INSC: variants seen among roughly 807,000 people sequenced by gnomAD.
INSC encodes protein inscuteable homolog.
A neutral mutation model predicts 58.6 loss-of-function variants in INSC; 67 were observed. The observed-to-expected ratio is 1.14, with a 90% CI of 0.94 to 1.40. The LOEUF is 1.40. INSC is among the 40% of genes most tolerant of loss of function. The pLI is 0.00. For missense variants in INSC, 714 were observed against 692.0 expected (o/e 1.03, Z -0.36); for synonymous variants, 262 against 276.1 (o/e 0.95, Z 0.51).
At chr11:15,126,259 A>G (rs1385235955) in intron 1 of INSC, among the ~76,000 whole-genome samples, 2 of 152,248 alleles carry the variant, frequency 1.3e-5, no homozygotes, top group East Asian at 3.9e-4. Context: ...TTAGGCCAGC[A>G]GGAATGCTGA....
chr11:15,203,189 T>A (rs2133888616), intron 7 of INSC, among the ~76,000 whole-genome samples: 1 of 152,326 alleles, frequency 6.6e-6, no homozygotes, highest in East Asian at 1.9e-4. Context: ...ACAGCACCCC[T>A]GTGTCACGAC....
At chr11:15,163,007 A>G (rs1849070758) in intron 2 of INSC, among the ~76,000 whole-genome samples, 2 of 152,124 alleles carry the variant, frequency 1.3e-5, no homozygotes, top group African/African-American at 4.8e-5. Flanking sequence ...CTCATTCATC[A>G]TCTATATGAA....
At chr11:15,206,443 C>T (rs1945628) in intron 7 of INSC, among the ~76,000 whole-genome samples, 48,964 of 152,098 alleles carry the variant, frequency 0.32, 9,712 homozygotes, top group East Asian at 0.75. Flanking sequence ...TCCAAGTCTT[C>T]CAGGGTCTTT....
rs949729604 is a variant in INSC at position 15,245,837 on chromosome 11, A to G, written c.1471-75A>G. On this transcript the variant is annotated intron_variant, in intron 12 of 12. Coordinates refer to ENST00000379556, the MANE Select transcript of INSC (RefSeq NM_001042536.3). ...CACCACTTTCTGAAATGCACATTTC[A>G]GGGTAGGTGAAGGAAATACATGTAC... 4.0e-5 allele frequency: 61 copies of G among 1,533,540 alleles called. 1 individual carries two copies. The Middle Eastern group carries it at 1.1e-3, about 28-fold the overall frequency. The allele number at this position is 1,533,540 out of a possible 1,614,324, so 95.0% of individuals were successfully genotyped here. A position where few individuals can be genotyped will look rare whatever the true frequency, so the allele number is the denominator to read the frequency against.
At chr11:15,153,983 G>A (rs1278150627) in intron 2 of INSC, among the ~76,000 whole-genome samples, 1 of 152,174 alleles carries the variant, frequency 6.6e-6, no homozygotes, top group Non-Finnish European at 1.5e-5. Context: ...TTCTCACATA[G>A]CAATTATTTG....
At chr11:15,255,710 G>A in the INSC span, among the ~76,000 whole-genome samples, 1 of 146,548 alleles carries the variant, frequency 6.8e-6, no homozygotes, top group African/African-American at 2.5e-5. Context: ...GAGGCTATTT[G>A]TATGTATGTA....
intron 6 of INSC, among the ~76,000 whole-genome samples, chr11:15,198,990 C>T (rs932078223): frequency 1.3e-5 from 2 of 152,064 alleles, no homozygotes; most frequent in African/African-American, 2.4e-5. Context: ...CTTCTACAAC[C>T]CCCCACCCTC....
At position 15,246,287 on chromosome 11, in the gene INSC, AATGACAAAT is replaced by A. The variant is rs1190032594; in HGVS notation, c.*257_*265del. 6.2e-6 allele frequency: 2 copies of A among 322,810 alleles called. No homozygotes were observed. Among genetic ancestry groups the A allele is most frequent in the Non-Finnish European group, 1.2e-5 (2 of 173,580 alleles). 20.0% of individuals were successfully genotyped at this position (322,810 alleles called of 1,614,324 possible). On this transcript the variant is annotated 3_prime_UTR_variant, in exon 13 of 13. Transcript: ENST00000379556. ...TTCAGTTGCAGATGTTGAAATTCGT[AATGACAAAT>A]ATGACAAATTGTCATGGGTGATTCC...
intron 2 of INSC, among the ~76,000 whole-genome samples, chr11:15,168,084 C>T (rs2133803710): frequency 6.6e-6 from 1 of 152,240 alleles, no homozygotes; most frequent in East Asian, 1.9e-4. Context: ...CTGCCTCATC[C>T]CTCTCTCTGC....
chr11:15,115,437 T>C (rs1847668995), intron 1 of INSC, among the ~76,000 whole-genome samples: 1 of 152,150 alleles, frequency 6.6e-6, no homozygotes, highest in Non-Finnish European at 1.5e-5. Flanking sequence ...GGGAGTGTTA[T>C]CTGAACTCAG....
At chr11:15,177,088 A>C in intron 3 of INSC, 23 bp from the exon 4 acceptor site, 2 of 1,609,410 alleles carry the variant, frequency 1.2e-6, no homozygotes, top group Non-Finnish European at 1.7e-6. Flanking sequence ...TGAGTTGAAT[A>C]AAATGGACTT....
At chr11:15,231,055 T>C (rs1313457098) in intron 9 of INSC, among the ~76,000 whole-genome samples, 1 of 152,140 alleles carries the variant, frequency 6.6e-6, no homozygotes, top group African/African-American at 2.4e-5. Flanking sequence ...CCCTGGGCCA[T>C]GTCTGCCAGA....
intron 5 of INSC, 33 bp downstream of exon 5, chr11:15,178,480 T>C (rs367691315): frequency 2.5e-6 from 4 of 1,599,406 alleles, no homozygotes; most frequent in Non-Finnish European, 3.4e-6. Flanking sequence ...GGAGGGGTGC[T>C]TGTGTGGACC....
chr11:15,173,598 G>T (rs1263856132), intron 2 of INSC, among the ~76,000 whole-genome samples: 2 of 151,940 alleles, frequency 1.3e-5, no homozygotes, highest in Non-Finnish European at 2.9e-5. Context: ...CTCTCTCTGT[G>T]TGTCTGTATA....
In INSC at chr11:15,226,271, T is replaced by C. The variant is rs77387694; in HGVS notation, c.1170+443T>C. Among the ~76,000 whole-genome samples, 666 of 152,196 alleles carry C rather than the reference T, an allele frequency of 4.4e-3. 4 individuals are homozygous for C. Among genetic ancestry groups the C allele is most frequent in the African/African-American group, 0.016 (656 of 41,538 alleles). On this transcript the variant is annotated intron_variant, in intron 9 of 12. Coordinates refer to ENST00000379556, the MANE Select transcript of INSC (RefSeq NM_001042536.3). The stretch of plus-strand genomic sequence containing the variant: ...GGTGGCCGTCTAACACTGAACCCTA[T>C]AGTGAACTGCTCCCCTCTTTATCTC...
At chr11:15,190,567 A>G in intron 5 of INSC, 134 bp from the exon 6 acceptor site, 3 of 711,796 alleles carry the variant, frequency 4.2e-6, no homozygotes, top group Non-Finnish European at 7.8e-6. Flanking sequence ...TGCACTCACA[A>G]TGAGGCAGTA....
chr11:15,129,400 C>A (rs1430403778), intron 1 of INSC, among the ~76,000 whole-genome samples: 1 of 152,094 alleles, frequency 6.6e-6, no homozygotes, highest in Non-Finnish European at 1.5e-5. Flanking sequence ...ATTTCAGATT[C>A]AACTTGTCAA....
At position 15,246,051 on chromosome 11, in the gene INSC, C is replaced by T. The variant is rs1054952; in HGVS notation, c.*11C>T. 188 of 1,613,700 alleles carry T rather than the reference C, an allele frequency of 1.2e-4. 1 individual carries two copies. The Admixed American group carries it at 2.7e-3, about 23-fold the overall frequency. ...GAGAGTTTTGTGTAGTGAGTGTGGGCGAAGAAATACATTTGGCTGTTCTCA... is the reference window on the plus strand; with the variant it reads ...GAGAGTTTTGTGTAGTGAGTGTGGGTGAAGAAATACATTTGGCTGTTCTCA... On this transcript the variant is annotated 3_prime_UTR_variant, in exon 13 of 13. Transcript: ENST00000379556.
rs201464503 is a variant in INSC at position 15,243,903 on chromosome 11, C to T, written c.1471-2009C>T. 1.3e-3 allele frequency among the ~76,000 whole-genome samples: 145 copies of T among 107,926 alleles called. 1 individual carries two copies. Among genetic ancestry groups the T allele is most frequent in the Admixed American group, 4.3e-3 (48 of 11,036 alleles). The allele number at this position is 107,926 out of a possible 152,430, so 70.8% of individuals were successfully genotyped here. ...TTGCCACTATTTCTTTTTTTTTTTTCCTCCATCTCTTTTTTATACTTGGTC... is the reference window on the plus strand; with the variant it reads ...TTGCCACTATTTCTTTTTTTTTTTTTCTCCATCTCTTTTTTATACTTGGTC... On this transcript the variant is annotated intron_variant, in intron 12 of 12. Coordinates refer to ENST00000379556, the MANE Select transcript of INSC (RefSeq NM_001042536.3).
Sources: allele counts gnomAD v4.1 joint callset (sites outside exome capture counted in the v4.1 genomes callset), GRCh38; gene constraint gnomAD v4.1.1; transcripts MANE v1.5; gene names NCBI Gene and HGNC (gene_info 2026-07-23, HGNC 2026-07-21).